Variants in MYO1E observed in about 807,000 individuals in gnomAD.
MYO1E encodes myosin IE.
Under a neutral mutation model 151.1 loss-of-function variants are expected in MYO1E, and 68 were observed. The observed-to-expected ratio is 0.45, with a 90% CI of 0.37 to 0.55. The LOEUF (loss-of-function observed/expected upper bound fraction) is 0.55. Ranked by LOEUF, MYO1E falls within the 20% of genes least tolerant of loss-of-function variation. The probability of loss-of-function intolerance (pLI) is 0.00; values close to 1 mark genes in which losing one functional copy is unlikely to be tolerated. For synonymous variants in MYO1E, 601 were observed against 501.7 expected (o/e 1.20, Z -2.64); for missense variants, 1,363 against 1,389.3 (o/e 0.98, Z 0.30).
In MYO1E at chr15:59,231,745, A is replaced by G; in HGVS notation, c.467T>C (p.Phe156Ser). The G allele has an allele frequency of 6.2e-7, 1 of 1,614,148 alleles. No individual in the cohort carries two copies. The highest frequency in any genetic ancestry group is 8.5e-7 in the Non-Finnish European group (1 of 1,180,016). The part of the protein sequence containing the change: ...ILQSNPLLEA[F>S]GNAKTVRNNN... Reference sequence around the variant, plus strand: ...GTTCCGGACGGTCTTGGCGTTCCCGAAGGCCTCCAGCAGCGGGTTGGACTG... The same window carrying G: ...GTTCCGGACGGTCTTGGCGTTCCCGGAGGCCTCCAGCAGCGGGTTGGACTG... The change falls in exon 6 of 28, where the codon TTC becomes TCC. Residue 156 changes from phenylalanine to serine, a missense_variant. Physicochemically the swap from Phe to Ser is radical, Grantham distance 155 (BLOSUM62 -2). Coordinates refer to ENST00000288235, the MANE Select transcript of MYO1E (RefSeq NM_004998.4).
intron 1 of MYO1E, among the ~76,000 whole-genome samples, chr15:59,298,903 A>G (rs1254549854): frequency 6.6e-6 from 1 of 152,132 alleles, no homozygotes; most frequent in African/African-American, 2.4e-5. Context: ...ACCATTAAAC[A>G]TTTTCTTTTT....
At chr15:59,172,128 G>A (rs924959003) in intron 21 of MYO1E, 86 bp from the exon 22 acceptor site, 48 of 1,484,438 alleles carry the variant, frequency 3.2e-5, no homozygotes, top group Admixed American at 2.5e-4. Context: ...AGGCCGAGGC[G>A]GGTGAATCAC....
intron 3 of MYO1E, among the ~76,000 whole-genome samples, chr15:59,257,732 C>T (rs1157000563): frequency 6.6e-6 from 1 of 151,940 alleles, no homozygotes; most frequent in East Asian, 1.9e-4. Context: ...GGGGGAGCTA[C>T]CCAGTGAGGG....
At chr15:59,191,366 GAGAA>G (rs367772091) in intron 17 of MYO1E, among the ~76,000 whole-genome samples, 3,373 of 140,934 alleles carry the variant, frequency 0.024, 78 homozygotes, top group Middle Eastern at 0.042. Flanking sequence ...GAGAGAGAGA[GAGAA>G]AGAAATGTCA....
intron 1 of MYO1E, among the ~76,000 whole-genome samples, chr15:59,301,451 C>T (rs1464567141): frequency 6.6e-6 from 1 of 152,216 alleles, no homozygotes; most frequent in Non-Finnish European, 1.5e-5. Context: ...ATCCTGAAAG[C>T]CAGCCTTCTT....
chr15:59,293,406 C>G (rs1382405970), intron 1 of MYO1E, among the ~76,000 whole-genome samples: 2 of 151,936 alleles, frequency 1.3e-5, no homozygotes, highest in Middle Eastern at 3.4e-3. Context: ...ATTAGCCAGG[C>G]GTGGTGGCAG....
At chr15:59,315,800 A>AT (rs1342896780) in intron 1 of MYO1E, among the ~76,000 whole-genome samples, 2 of 152,322 alleles carry the variant, frequency 1.3e-5, no homozygotes, top group East Asian at 3.9e-4. Context: ...TGCTGTTAAT[A>AT]AAAATATTAA....
intron 17 of MYO1E, among the ~76,000 whole-genome samples, chr15:59,193,804 C>A (rs2079748864): frequency 1.3e-5 from 2 of 152,114 alleles, no homozygotes; most frequent in African/African-American, 4.8e-5. Flanking sequence ...TCATCCGGGC[C>A]TGAATATCAT....
chr15:59,193,107 G>A (rs1422646735), intron 17 of MYO1E, among the ~76,000 whole-genome samples: 4 of 78,678 alleles, frequency 5.1e-5, no homozygotes, highest in African/African-American at 3.2e-4. Context: ...TCAAAGTGCA[G>A]TGCCTGGGCC....
intron 1 of MYO1E, among the ~76,000 whole-genome samples, chr15:59,289,153 C>T (rs1200747044): frequency 2.0e-5 from 3 of 152,172 alleles, no homozygotes; most frequent in African/African-American, 4.8e-5. Context: ...GACTAGAACT[C>T]GGGTCCTCTG....
At chr15:59,186,647 G>A (rs868671935) in intron 18 of MYO1E, among the ~76,000 whole-genome samples, 1 of 152,196 alleles carries the variant, frequency 6.6e-6, no homozygotes, top group Non-Finnish European at 1.5e-5. Flanking sequence ...GCTACTTGCA[G>A]ACTGAGGTGG....
At chr15:59,348,983 G>C (rs1443216462) in intron 1 of MYO1E, 4 of 152,154 alleles carry the variant, frequency 2.6e-5, no homozygotes, top group Non-Finnish European at 5.9e-5. Context: ...ACACAAGGCA[G>C]AACATGATGC....
chr15:59,359,132 T>C (rs1306975967), intron 1 of MYO1E, among the ~76,000 whole-genome samples: 4 of 151,980 alleles, frequency 2.6e-5, no homozygotes, highest in African/African-American at 9.7e-5. Context: ...ATTTGGTCAC[T>C]GAAAGAAACA....
At chr15:59,258,730 G>A (rs1375429349) in intron 3 of MYO1E, among the ~76,000 whole-genome samples, 1 of 152,250 alleles carries the variant, frequency 6.6e-6, no homozygotes, top group Non-Finnish European at 1.5e-5. Context: ...GTGTGTGCCT[G>A]TAGTCCCAGC....
chr15:59,335,080 C>T (rs551609155), intron 1 of MYO1E, among the ~76,000 whole-genome samples: 6 of 152,210 alleles, frequency 3.9e-5, no homozygotes, highest in Non-Finnish European at 8.8e-5. Flanking sequence ...AACATTCACA[C>T]CACACTGGGT....
intron 15 of MYO1E, among the ~76,000 whole-genome samples, chr15:59,203,497 A>G (rs2079814838): frequency 6.6e-6 from 1 of 151,292 alleles, no homozygotes; most frequent in African/African-American, 2.4e-5. Context: ...CTCCTGCCTC[A>G]GCCTCCTGAG....
intron 1 of MYO1E, among the ~76,000 whole-genome samples, chr15:59,315,402 G>T (rs2080581766): frequency 6.6e-6 from 1 of 152,114 alleles, no homozygotes; most frequent in Non-Finnish European, 1.5e-5. Flanking sequence ...GTTAGGGTGG[G>T]CGGGGGAGAG....
rs201878484 is a variant in MYO1E at position 59,195,550 on chromosome 15, A to T, written c.1716T>A (p.Leu572=). ...GSKIKKQAND[L]VSTLMKCTPH... ...GCGTACATTTCATCAGGGTGCTCAC[A>T]AGGTCATTGGCTTGTTTCTAGAAAG... Residue 572 remains leucine, a synonymous_variant, in exon 17 of 28, where the codon CTT becomes CTA. Transcript: ENST00000288235. 6.2e-7 allele frequency: 1 copy of T among 1,613,982 alleles called. No individual in the cohort carries two copies. The highest frequency in any genetic ancestry group is 1.3e-5 in the African/African-American group (1 of 75,046).
intron 14 of MYO1E, chr15:59,207,440 A>C (rs762832365): frequency 6.2e-7 from 1 of 1,614,066 alleles, no homozygotes; most frequent in Admixed American, 1.7e-5. Flanking sequence ...GCCATCTTCA[A>C]GTTAATGATT....
Sources: allele counts gnomAD v4.1 joint callset (sites outside exome capture counted in the v4.1 genomes callset), GRCh38; gene constraint gnomAD v4.1.1; transcripts MANE v1.5; gene names NCBI Gene and HGNC (gene_info 2026-07-23, HGNC 2026-07-21).